Variants in CTDP1 observed in about 807,000 individuals in gnomAD.
CTDP1 encodes the protein RNA polymerase II subunit A C-terminal domain phosphatase.
A neutral mutation model predicts 91.8 loss-of-function variants in CTDP1; 47 were observed. The observed-to-expected ratio is 0.51, with a 90% confidence interval of 0.41 to 0.65. CTDP1 has a LOEUF of 0.65. Among genes scored for constraint, CTDP1 ranks in the 30% least tolerant of loss-of-function variants. The probability of loss-of-function intolerance (pLI) is 0.00; values close to 1 mark genes in which losing one functional copy is unlikely to be tolerated. For synonymous variants in CTDP1, 656 were observed against 598.5 expected (o/e 1.10, Z -1.40); for missense variants, 1,272 against 1,373.7 (o/e 0.93, Z 1.17).
chr18:79,706,414 C>A (rs1213039536), intron 5 of CTDP1, among the ~76,000 whole-genome samples: 1 of 152,194 alleles, frequency 6.6e-6, no homozygotes, highest in African/African-American at 2.4e-5. Flanking sequence ...ATAAGTCACA[C>A]AAACCGCAGG....
chr18:79,693,738 GAT>G (rs1390908243), intron 1 of CTDP1, among the ~76,000 whole-genome samples: 3 of 152,106 alleles, frequency 2.0e-5, no homozygotes, highest in Non-Finnish European at 2.9e-5. Flanking sequence ...CCTCCAGGGT[GAT>G]CCGCACACGC....
In CTDP1 at chr18:79,701,780, A is replaced by G. The variant is rs562759843; in HGVS notation, c.622-2987A>G. Among the ~76,000 whole-genome samples, 33 of 152,280 alleles carry G rather than the reference A, an allele frequency of 2.2e-4. No homozygotes were observed. In the East Asian group the frequency reaches 5.4e-3, roughly 25 times the overall value. Reference sequence around the variant, plus strand: ...TCGATTCCAACCCTCAGTTCGGAAGATGTTGATTCTGACCTTCATGGATGA... The same window carrying G: ...TCGATTCCAACCCTCAGTTCGGAAGGTGTTGATTCTGACCTTCATGGATGA... On this transcript the variant is annotated intron_variant, in intron 4 of 12. Coordinates refer to ENST00000613122, the MANE Select transcript of CTDP1 (RefSeq NM_004715.5).
At chr18:79,712,123 G>C (rs1396993441) in intron 6 of CTDP1, among the ~76,000 whole-genome samples, 1 of 152,230 alleles carries the variant, frequency 6.6e-6, no homozygotes, top group Non-Finnish European at 1.5e-5. Context: ...AAAAGAGAAT[G>C]AGAGGTGCTG....
At chr18:79,702,175 G>A (rs929358123) in intron 4 of CTDP1, among the ~76,000 whole-genome samples, 10 of 152,160 alleles carry the variant, frequency 6.6e-5, no homozygotes, top group African/African-American at 2.4e-4. Context: ...GAAAGGAAGA[G>A]TTGATTGATG....
intron 12 of CTDP1, among the ~76,000 whole-genome samples, chr18:79,741,392 G>A (rs972262817): frequency 8.5e-5 from 13 of 152,208 alleles, no homozygotes; most frequent in South Asian, 4.1e-4. Context: ...CCTAGAGTTC[G>A]CGGAGAAGTG....
intron 4 of CTDP1, among the ~76,000 whole-genome samples, chr18:79,699,472 C>T (rs2085814113): frequency 6.6e-6 from 1 of 152,012 alleles, no homozygotes; most frequent in Admixed American, 6.6e-5. Context: ...ACCGTGTTAG[C>T]CAGGATGGTC....
At chr18:79,695,899 T>G (rs1380150295) in intron 2 of CTDP1, 78 bp from the exon 3 acceptor site, 14 of 1,141,624 alleles carry the variant, frequency 1.2e-5, no homozygotes, top group Non-Finnish European at 1.8e-5. Flanking sequence ...TCAGCTAGAA[T>G]CCTGTCACTT....
chr18:79,696,198 T>A, intron 3 of CTDP1, 128 bp downstream of exon 3: 3 of 799,460 alleles, frequency 3.8e-6, no homozygotes, highest in Non-Finnish European at 4.2e-6. Context: ...CAACCCCTCA[T>A]CACACGGATG....
At chr18:79,712,892 T>G in intron 6 of CTDP1, 80 bp from the exon 7 acceptor site, 1 of 1,488,310 alleles carries the variant, frequency 6.7e-7, no homozygotes, top group Non-Finnish European at 9.3e-7. Context: ...GATTAGAATC[T>G]TAAACTGTTA....
intron 11 of CTDP1, among the ~76,000 whole-genome samples, chr18:79,733,917 A>G (rs1454240784): frequency 6.6e-6 from 1 of 152,210 alleles, no homozygotes; most frequent in Non-Finnish European, 1.5e-5. Context: ...GTATGAATTC[A>G]CTTGTGTTTT....
In CTDP1 at chr18:79,694,311, G is replaced by T. The variant is rs1315684627; in HGVS notation, c.315-914G>T. ...GTGCTGGGCGGTCTCATGTCCACGG[G>T]GTGGGGTGGTCGGAGCAGCCCAGCT... On this transcript the variant is annotated intron_variant, in intron 1 of 12. Coordinates refer to ENST00000613122, the MANE Select transcript of CTDP1 (RefSeq NM_004715.5). Among the ~76,000 whole-genome samples the T allele has an allele frequency of 1.7e-5, 2 of 117,168 alleles. 1 individual carries two copies. The highest frequency in any genetic ancestry group is 3.8e-5 in the Non-Finnish European group (2 of 52,406). The allele number at this position is 117,168 out of a possible 152,430, so 76.9% of individuals were successfully genotyped here.
At chr18:79,711,683 T>A (rs2086086892) in intron 6 of CTDP1, among the ~76,000 whole-genome samples, 1 of 152,186 alleles carries the variant, frequency 6.6e-6, no homozygotes, top group Non-Finnish European at 1.5e-5. Context: ...AAATCCTAAG[T>A]CACTTGACTA....
Position 79,754,048 on chromosome 18 carries a change from G to A in CTDP1, c.*258G>A, listed in dbSNP as rs1358898631. ...GCCAAAGAGCTCAGCAGAGGCTCAC[G>A]TGGCCCAGGCTGGTGCGCCCGCTGT... is the stretch of plus-strand genomic sequence containing the variant. On this transcript the variant is annotated 3_prime_UTR_variant, in exon 13 of 13. Coordinates refer to ENST00000613122, the MANE Select transcript of CTDP1 (RefSeq NM_004715.5). 3.7e-6 allele frequency: 2 copies of A among 540,166 alleles called. No homozygotes were observed. The highest frequency in any genetic ancestry group is 6.6e-6 in the Non-Finnish European group (2 of 305,144). 33.5% of individuals were successfully genotyped at this position (540,166 alleles called of 1,614,324 possible).
intron 11 of CTDP1, among the ~76,000 whole-genome samples, chr18:79,730,444 A>G (rs1345834277): frequency 1.4e-5 from 1 of 73,414 alleles, no homozygotes; most frequent in Non-Finnish European, 3.1e-5. Context: ...TGTTTCAGGC[A>G]GTGGTGACAA....
rs199800718 is a variant in CTDP1 at position 79,724,340 on chromosome 18, T to TA, written c.2418-4566dup. Among the ~76,000 whole-genome samples the TA allele has an allele frequency of 6.0e-3, 912 of 152,380 alleles. 10 individuals carry two copies. Among genetic ancestry groups the TA allele is most frequent in the African/African-American group, 0.021 (866 of 41,590 alleles). On this transcript the variant is annotated intron_variant, in intron 10 of 12. Transcript: ENST00000613122. Reference sequence around the variant, plus strand: ...TTTGGGATAAATGTCCAGTGGTAGATACAGTTGCTAAATTGGATGGTGAGT... The same window carrying TA: ...TTTGGGATAAATGTCCAGTGGTAGATAACAGTTGCTAAATTGGATGGTGAGT...
intron 10 of CTDP1, among the ~76,000 whole-genome samples, chr18:79,727,397 T>C (rs9964904): frequency 2.0e-5 from 3 of 151,146 alleles, no homozygotes; most frequent in Non-Finnish European, 4.4e-5. Context: ...GCGTTCACGG[T>C]GTTCACGGGA....
intron 9 of CTDP1, 66 bp downstream of exon 9, chr18:79,717,742 T>G: frequency 6.2e-7 from 1 of 1,613,822 alleles, no homozygotes; most frequent in Non-Finnish European, 8.5e-7. Context: ...TGTTGGTTCA[T>G]GCACCTGGGC....
chr18:79,748,985 C>T lies in CTDP1; in HGVS notation c.2748-4667C>T, dbSNP rs557128843. On this transcript the variant is annotated intron_variant, in intron 12 of 12. Coordinates refer to ENST00000613122, the MANE Select transcript of CTDP1 (RefSeq NM_004715.5). ...CAGCGGGAGCTGAGGTGGTCCCTTCCGTGGGCTCGGTTCAGGTCCTGTGGC... is the reference window on the plus strand; with the variant it reads ...CAGCGGGAGCTGAGGTGGTCCCTTCTGTGGGCTCGGTTCAGGTCCTGTGGC... 1.8e-4 allele frequency among the ~76,000 whole-genome samples: 27 copies of T among 152,324 alleles called. No individual in the cohort carries two copies. The East Asian group carries it at 4.8e-3, about 27-fold the overall frequency.
intron 8 of CTDP1, among the ~76,000 whole-genome samples, chr18:79,715,792 C>T (rs1455614373): frequency 6.6e-6 from 1 of 152,184 alleles, no homozygotes; most frequent in Non-Finnish European, 1.5e-5. Flanking sequence ...CTGGAGTAAG[C>T]CATGGCCGGG....
Sources: gnomAD v4.1 joint callset for allele counts (sites outside exome capture counted in the v4.1 genomes callset) on GRCh38, gnomAD v4.1.1 for gene constraint, MANE v1.5 for transcripts, NCBI Gene and HGNC (gene_info 2026-07-23, HGNC 2026-07-21) for gene names.